CDCP2: variants seen among roughly 807,000 people sequenced by gnomAD.
The protein encoded by CDCP2 is CUB domain containing protein 2.
A neutral mutation model predicts 31.0 loss-of-function variants in CDCP2; 31 were observed. The ratio of observed to expected loss-of-function variants is 1.00; its 90% confidence interval spans 0.75 to 1.35. The LOEUF (loss-of-function observed/expected upper bound fraction) is 1.35. CDCP2 is among the 40% of genes most tolerant of loss of function. CDCP2 has a pLI of 0.00. For synonymous variants in CDCP2, 206 were observed against 207.9 expected (o/e 0.99, Z 0.08); for missense variants, 443 against 482.6 (o/e 0.92, Z 0.77).
chr1:54,150,219 T>G (rs2100434235), intron 1 of CDCP2, among the ~76,000 whole-genome samples: 1 of 152,300 alleles, frequency 6.6e-6, no homozygotes, highest in African/African-American at 2.4e-5. Context: ...TCTGGTCCCT[T>G]GACTGGGAGG....
At chr1:54,133,698 C>A (rs1006196651) in intron 5 of CDCP2, among the ~76,000 whole-genome samples, 1 of 152,096 alleles carries the variant, frequency 6.6e-6, no homozygotes, top group Non-Finnish European at 1.5e-5. Context: ...AGATCGAGAC[C>A]ATCCTGACTA....
intron 3 of CDCP2, 77 bp from the exon 4 acceptor site, chr1:54,140,183 G>A: frequency 1.4e-6 from 2 of 1,410,474 alleles, no homozygotes; most frequent in Non-Finnish European, 2.0e-6. Flanking sequence ...TACAGCTTAG[G>A]CAGCAGGTGC....
At chr1:54,152,803 T>C in intron 1 of CDCP2, 41 bp downstream of exon 1, 1 of 1,573,238 alleles carries the variant, frequency 6.4e-7, no homozygotes, top group Non-Finnish European at 8.7e-7. Flanking sequence ...CCTGCCCACC[T>C]CCTTCCCCTC....
Position 54,141,236 on chromosome 1 carries a change from G to GC in CDCP2, c.624dup (p.Pro209AlafsTer107). 6.2e-7 allele frequency: 1 copy of GC among 1,613,912 alleles called. No individual in the cohort carries two copies. On this transcript the variant is annotated frameshift_variant, in exon 3 of 6. Coordinates refer to ENST00000530059, the Ensembl canonical transcript of CDCP2. LOFTEE classifies it high-confidence loss of function. ...TAGTGGTGCCCACGGGTGGGGCCAG[G>GC]CCCCCCAAGCACAGCCACGTAGTCA... is the stretch of plus-strand genomic sequence containing the variant.
chr1:54,139,563 G>A (rs1659317663), intron 4 of CDCP2, 190 bp downstream of exon 4: 1 of 1,613,802 alleles, frequency 6.2e-7, no homozygotes, highest in African/African-American at 1.3e-5. Flanking sequence ...GAAACAAGCG[G>A]GAGCCGTACC....
intron 1 of CDCP2, among the ~76,000 whole-genome samples, chr1:54,150,054 C>T (rs537787874): frequency 2.6e-5 from 4 of 152,366 alleles, no homozygotes; most frequent in Non-Finnish European, 5.9e-5. Context: ...TGGTAACCCT[C>T]CCTCCTCTTC....
chr1:54,136,515 A>G (rs1659260608), intron 5 of CDCP2, 115 bp downstream of exon 5: 1 of 398,346 alleles, frequency 2.5e-6, no homozygotes, highest in Non-Finnish European at 4.4e-6. Flanking sequence ...TTAGCTCTGC[A>G]TCCAGGCCTG....
At chr1:54,150,745 C>A (rs1659569109) in intron 1 of CDCP2, among the ~76,000 whole-genome samples, 1 of 152,220 alleles carries the variant, frequency 6.6e-6, no homozygotes, top group Admixed American at 6.5e-5. Context: ...CTACCTCCTG[C>A]CTCCCTGGTT....
At chr1:54,144,297 C>T (rs542254059) in intron 2 of CDCP2, 169 bp downstream of exon 2, 13 of 618,996 alleles carry the variant, frequency 2.1e-5, no homozygotes, top group South Asian at 8.0e-5. Context: ...CTGTAGGTCT[C>T]ACCTGAGCCC....
chr1:54,145,654 G>A (rs932528398), intron 1 of CDCP2, among the ~76,000 whole-genome samples: 1 of 152,040 alleles, frequency 6.6e-6, no homozygotes, highest in African/African-American at 2.4e-5. Context: ...AGTCTACTAC[G>A]ATGTTAAAAG....
At chr1:54,141,051 C>T in intron 3 of CDCP2, 47 bp downstream of exon 3, 1 of 1,467,306 alleles carries the variant, frequency 6.8e-7, no homozygotes, top group Non-Finnish European at 9.1e-7. Flanking sequence ...GAGACAGGAG[C>T]CCAGTAGGCA....
chr1:54,150,077 G>A (rs1007282696), intron 1 of CDCP2, among the ~76,000 whole-genome samples: 3 of 152,170 alleles, frequency 2.0e-5, no homozygotes. Flanking sequence ...TGACCCAGGG[G>A]TGGACGCCTG....
At chr1:54,132,716 A>G (rs1329966811), downstream of CDCP2, 5 of 364,210 alleles carry the variant, frequency 1.4e-5, no homozygotes, top group Admixed American at 4.6e-5. Flanking sequence ...TTTAAAATTA[A>G]TAACAGCAAT....
chr1:54,152,953 G>A (rs1318668739), upstream of CDCP2: 6 of 1,607,154 alleles, frequency 3.7e-6, no homozygotes, highest in East Asian at 2.2e-5. Flanking sequence ...CAGGTCTGCC[G>A]AGCTCAGGTA....
chr1:54,144,664 G>A (rs568624187), exon 2 of CDCP2: 1 of 1,614,232 alleles, frequency 6.2e-7, no homozygotes, highest in East Asian at 2.2e-5. Flanking sequence ...TGGTACTCTA[G>A]GTCAAAGGCA....
intron 4 of CDCP2, 140 bp from the exon 5 acceptor site, chr1:54,136,948 A>G: frequency 2.5e-6 from 1 of 397,544 alleles, no homozygotes; most frequent in Non-Finnish European, 4.4e-6. Context: ...ACGGAATCCT[A>G]CAGGGCACAG....
chr1:54,150,620 T>A (rs1659567274), intron 1 of CDCP2, among the ~76,000 whole-genome samples: 1 of 151,996 alleles, frequency 6.6e-6, no homozygotes, highest in Non-Finnish European at 1.5e-5. Context: ...TTCTTATTAT[T>A]TATGCTCAGG....
rs1035036814 is a variant in CDCP2, at chr1:54,133,039, C to T, written c.1552G>A (p.Val518Ile). The T allele has an allele frequency of 2.3e-5, 9 of 398,986 alleles. No homozygotes were observed. In the South Asian group the frequency reaches 5.1e-4, roughly 23 times the overall value. 24.7% of individuals were successfully genotyped at this position (398,986 alleles called of 1,614,324 possible). ...GCCAGGATGCAAAGGCCCAGGAAGA[C>T]GATGTCACTGGTATCCTGGGCCACC... Residue 518 changes from valine (V) to isoleucine (I), a missense_variant, in exon 6 of 6, where the codon GTC becomes ATC. Transcript: ENST00000530059.
exon 2 of CDCP2, chr1:54,144,724 T>C (rs1263090656): frequency 1.2e-6 from 2 of 1,614,234 alleles, no homozygotes; most frequent in Admixed American, 3.3e-5. Context: ...ATCAGCCAGC[T>C]GCACTCTGTG....
Sources: gnomAD v4.1 joint callset for allele counts (sites outside exome capture counted in the v4.1 genomes callset) on GRCh38, gnomAD v4.1.1 for gene constraint, MANE v1.5 for transcripts, NCBI Gene and HGNC (gene_info 2026-07-23, HGNC 2026-07-21) for gene names.